The following INTU variants were observed in gnomAD, a reference collection of about 807,000 sequenced individuals.
INTU encodes inturned planar cell polarity protein, also known as protein inturned.
In INTU, 68 loss-of-function variants were observed where a neutral mutation model predicts 100.5. The ratio of observed to expected loss-of-function variants is 0.68; its 90% CI spans 0.56 to 0.83. The LOEUF (loss-of-function observed/expected upper bound fraction) is 0.83. Among genes scored for constraint, INTU ranks in the 40% least tolerant of loss-of-function variants. The pLI is 0.00. For missense variants in INTU, 1,071 were observed against 1,114.7 expected (o/e 0.96, Z 0.56); for synonymous variants, 357 against 395.7 (o/e 0.90, Z 1.16).
At chr4:127,693,639 T>A (rs946050566) in intron 8 of INTU, among the ~76,000 whole-genome samples, 1 of 152,178 alleles carries the variant, frequency 6.6e-6, no homozygotes, top group Admixed American at 6.5e-5. Flanking sequence ...GTGGGCATCC[T>A]TGTCTTGTTC....
chr4:127,706,755 T>A lies in INTU; in HGVS notation c.2057T>A (p.Val686Glu). The part of the protein sequence containing the change: ...ILSRLQGTSK[V>E]ATSPTCRRTL... ...AGTAGGCTACAAGGTACTTCCAAAG[T>A]AGCAACTTCTCCAACATGCAGAAGA... is the stretch of plus-strand genomic sequence containing the variant. Residue 686 changes from valine (V) to glutamate (E), a missense_variant, in exon 12 of 16, where the codon GTA (valine) becomes GAA (glutamate). Coordinates refer to ENST00000335251, the MANE Select transcript of INTU (RefSeq NM_015693.4). 1 of 1,614,102 alleles carries A rather than the reference T, an allele frequency of 6.2e-7. No homozygotes were observed. Among genetic ancestry groups the A allele is most frequent in the Non-Finnish European group, 8.5e-7 (1 of 1,179,994 alleles).
In INTU at chr4:127,706,663, T is replaced by C. The variant is rs200852493; in HGVS notation, c.1965T>C (p.Ser655=). Reference sequence around the variant, plus strand: ...CATCTTCTCCAGTCCCCTGTTTGTCTTGTGCTGACTGGTTCCTTACTGGAT... The same window carrying C: ...CATCTTCTCCAGTCCCCTGTTTGTCCTGTGCTGACTGGTTCCTTACTGGAT... The part of the protein sequence containing the change: ...RLASSPVPCL[S]CADWFLTGSR... The change falls in exon 12 of 16, where the codon TCT becomes TCC. Residue 655 remains serine, a synonymous_variant. Transcript: ENST00000335251. 13 of 1,614,092 alleles carry C rather than the reference T, an allele frequency of 8.1e-6. No individual in the cohort carries two copies. The highest frequency in any genetic ancestry group is 2.7e-5 in the African/African-American group (2 of 75,028).
intron 6 of INTU, among the ~76,000 whole-genome samples, chr4:127,680,231 G>A (rs1578590790): frequency 6.6e-6 from 1 of 151,826 alleles, no homozygotes; most frequent in East Asian, 1.9e-4. Flanking sequence ...AGAAAAAGAG[G>A]GAATCCTCCC....
intron 2 of INTU, among the ~76,000 whole-genome samples, chr4:127,645,129 A>G (rs1482464508): frequency 6.6e-6 from 1 of 152,156 alleles, no homozygotes; most frequent in African/African-American, 2.4e-5. Flanking sequence ...TTCCAGAATG[A>G]TCTCAACAGG....
chr4:127,672,898 A>G (rs904792992), intron 5 of INTU, among the ~76,000 whole-genome samples: 1 of 152,250 alleles, frequency 6.6e-6, no homozygotes, highest in African/African-American at 2.4e-5. Context: ...TCACTGAAGT[A>G]TAATGAAGTA....
chr4:127,665,927 G>T (rs1728677234), intron 4 of INTU, among the ~76,000 whole-genome samples: 1 of 152,152 alleles, frequency 6.6e-6, no homozygotes, highest in Non-Finnish European at 1.5e-5. Flanking sequence ...GGGATTGCTT[G>T]TGCCACCTAA....
intron 13 of INTU, among the ~76,000 whole-genome samples, chr4:127,710,002 C>G (rs1213511731): frequency 6.6e-6 from 1 of 151,962 alleles, no homozygotes; most frequent in Non-Finnish European, 1.5e-5. Context: ...TTATGGAACC[C>G]AAAAGTACCT....
chr4:127,650,715 T>C (rs1454093216), intron 2 of INTU, among the ~76,000 whole-genome samples: 4 of 151,754 alleles, frequency 2.6e-5, no homozygotes, highest in Non-Finnish European at 5.9e-5. Flanking sequence ...GCATGATTTA[T>C]AGTCCTTTGG....
At chr4:127,640,710 T>C (rs1297331175) in intron 1 of INTU, among the ~76,000 whole-genome samples, 1 of 150,880 alleles carries the variant, frequency 6.6e-6, no homozygotes, top group African/African-American at 2.4e-5. Context: ...ATCCTTGATA[T>C]TGAATATTAT....
chr4:127,715,289 A>G (rs1731229161), intron 15 of INTU, among the ~76,000 whole-genome samples: 1 of 152,158 alleles, frequency 6.6e-6, no homozygotes, highest in Admixed American at 6.6e-5. Context: ...GTTGGAGTAG[A>G]GGTTGGTGGA....
intron 2 of INTU, among the ~76,000 whole-genome samples, chr4:127,646,804 C>T (rs550859349): frequency 1.6e-4 from 24 of 151,858 alleles, no homozygotes; most frequent in South Asian, 2.1e-4. Context: ...ATATTATAGA[C>T]GAGGGGTTGA....
intron 8 of INTU, among the ~76,000 whole-genome samples, chr4:127,691,962 G>GTGTATATATATATCTATATATATATATA: frequency 1.0e-5 from 1 of 98,230 alleles, no homozygotes; most frequent in African/African-American, 4.0e-5. Flanking sequence ...TCCATGGTAT[G>GTGTATATATATATCTATATATATATATA]TATATATATA....
chr4:127,682,770 TAAATA>T (rs1729639591), intron 6 of INTU, among the ~76,000 whole-genome samples: 1 of 151,490 alleles, frequency 6.6e-6, no homozygotes, highest in Admixed American at 6.6e-5. Flanking sequence ...AAAATAAAAA[TAAATA>T]AAAGAAAAGA....
intron 14 of INTU, among the ~76,000 whole-genome samples, chr4:127,711,716 G>A (rs766115631): frequency 2.6e-5 from 4 of 152,180 alleles, no homozygotes; most frequent in African/African-American, 4.8e-5. Context: ...CTTCTTATGA[G>A]AATCTAATGC....
chr4:127,649,414 A>C (rs561824397), intron 2 of INTU, among the ~76,000 whole-genome samples: 2 of 152,234 alleles, frequency 1.3e-5, no homozygotes, highest in South Asian at 4.2e-4. Context: ...ATGTACAGAA[A>C]CATGAGACTC....
At chr4:127,695,951 A>G (rs1000893869) in intron 8 of INTU, among the ~76,000 whole-genome samples, 1 of 152,146 alleles carries the variant, frequency 6.6e-6, no homozygotes, top group Non-Finnish European at 1.5e-5. Context: ...TGATAGAATC[A>G]TGTGATTTTT....
At chr4:127,703,215 A>T (rs1209722882) in intron 9 of INTU, among the ~76,000 whole-genome samples, 1 of 152,116 alleles carries the variant, frequency 6.6e-6, no homozygotes, top group Non-Finnish European at 1.5e-5. Context: ...CATGTATCAC[A>T]ATTTGTTTAT....
At chr4:127,649,513 T>A (rs889856812) in intron 2 of INTU, among the ~76,000 whole-genome samples, 6 of 152,240 alleles carry the variant, frequency 3.9e-5, no homozygotes, top group Non-Finnish European at 8.8e-5. Flanking sequence ...CTTCCAATTT[T>A]TTTTTTTTTA....
chr4:127,638,030 G>A (rs984953445), intron 1 of INTU, among the ~76,000 whole-genome samples: 2 of 152,152 alleles, frequency 1.3e-5, no homozygotes, highest in African/African-American at 4.8e-5. Context: ...ATATCATCCA[G>A]CATACATGTT....
Sources: allele counts gnomAD v4.1 joint callset (sites outside exome capture counted in the v4.1 genomes callset), GRCh38; gene constraint gnomAD v4.1.1; transcripts MANE v1.5; gene names NCBI Gene and HGNC (gene_info 2026-07-23, HGNC 2026-07-21).